Variants in MECOM observed in about 807,000 individuals in gnomAD.
MECOM encodes MDS1 and EVI1 complex locus.
MECOM carries 13 observed loss-of-function variants against 116.3 expected under a neutral mutation model. The ratio of observed to expected loss-of-function variants is 0.11; its 90% confidence interval spans 0.07 to 0.18. The LOEUF (loss-of-function observed/expected upper bound fraction) is 0.18. Among genes scored for constraint, MECOM ranks in the 10% least tolerant of loss-of-function variants. MECOM has a pLI of 1.00. For missense variants in MECOM, 1,299 were observed against 1,509.0 expected, an observed-to-expected ratio of 0.86 and a Z score of 2.31; for synonymous variants, 528 against 535.2, an observed-to-expected ratio of 0.99 and a Z score of 0.19.
intron 1 of MECOM, among the ~76,000 whole-genome samples, chr3:169,393,661 A>T (rs1183522530): frequency 2.6e-5 from 4 of 152,166 alleles, no homozygotes; most frequent in African/African-American, 9.7e-5. Flanking sequence ...TAGAATAAAC[A>T]ATATCTCAGT....
intron 2 of MECOM, among the ~76,000 whole-genome samples, chr3:169,211,146 C>T (rs1750674441): frequency 6.6e-6 from 1 of 152,064 alleles, no homozygotes; most frequent in East Asian, 1.9e-4. Flanking sequence ...GAGTGACTTG[C>T]CGGAGTATAC....
intron 2 of MECOM, among the ~76,000 whole-genome samples, chr3:169,240,266 G>A (rs1474520093): frequency 6.6e-6 from 1 of 152,268 alleles, no homozygotes; most frequent in East Asian, 1.9e-4. Flanking sequence ...AGTCAAAAGA[G>A]TATGAATCCC....
chr3:169,485,910 T>C (rs1453838705), intron 1 of MECOM, among the ~76,000 whole-genome samples: 1 of 114,380 alleles, frequency 8.7e-6, no homozygotes, highest in African/African-American at 3.8e-5. Flanking sequence ...ATAGTATATA[T>C]GTATGTATAT....
chr3:169,159,288 T>A (rs1323917748), intron 2 of MECOM, among the ~76,000 whole-genome samples: 5 of 152,152 alleles, frequency 3.3e-5, no homozygotes, highest in Non-Finnish European at 7.4e-5. Flanking sequence ...AGGCCAGGCA[T>A]GTTCATGCCT....
intron 1 of MECOM, among the ~76,000 whole-genome samples, chr3:169,412,458 T>C (rs901614755): frequency 6.6e-6 from 1 of 152,132 alleles, no homozygotes; most frequent in Non-Finnish European, 1.5e-5. Flanking sequence ...CTGGCTTCTG[T>C]GACACTCCTT....
At chr3:169,250,603 C>T (rs1237103937) in intron 2 of MECOM, among the ~76,000 whole-genome samples, 1 of 152,092 alleles carries the variant, frequency 6.6e-6, no homozygotes, top group Non-Finnish European at 1.5e-5. Flanking sequence ...GTCAACTCTC[C>T]GTTATTGTAG....
At chr3:169,635,532 T>C (rs1772628341) in intron 1 of MECOM, among the ~76,000 whole-genome samples, 1 of 152,256 alleles carries the variant, frequency 6.6e-6, no homozygotes, top group African/African-American at 2.4e-5. Flanking sequence ...TATCTCATAA[T>C]TCTCTGACTC....
At chr3:169,236,452 G>C (rs1160401297) in intron 2 of MECOM, among the ~76,000 whole-genome samples, 1 of 152,104 alleles carries the variant, frequency 6.6e-6, no homozygotes, top group African/African-American at 2.4e-5. Flanking sequence ...AAATGAATAA[G>C]GGGAGACATA....
chr3:169,294,959 A>T (rs904511799), intron 2 of MECOM, among the ~76,000 whole-genome samples: 1 of 152,038 alleles, frequency 6.6e-6, no homozygotes, highest in Non-Finnish European at 1.5e-5. Flanking sequence ...GCTCTGATAA[A>T]TGCTTTCTCG....
intron 1 of MECOM, among the ~76,000 whole-genome samples, chr3:169,597,902 A>G (rs547895261): frequency 3.3e-5 from 5 of 152,222 alleles, no homozygotes; most frequent in Non-Finnish European, 7.4e-5. Flanking sequence ...CACACTAAAC[A>G]TGGATGGTGG....
chr3:169,504,493 A>T (rs1371274007), intron 1 of MECOM, among the ~76,000 whole-genome samples: 2 of 152,268 alleles, frequency 1.3e-5, no homozygotes, highest in East Asian at 3.9e-4. Context: ...CGTAATGGTT[A>T]TTATGTGCAA....
chr3:169,244,623 A>T (rs1755347542), intron 2 of MECOM, among the ~76,000 whole-genome samples: 1 of 152,206 alleles, frequency 6.6e-6, no homozygotes. Flanking sequence ...GGAAGAGGAA[A>T]ATTACAGCAT....
intron 2 of MECOM, among the ~76,000 whole-genome samples, chr3:169,173,686 T>A (rs1287075842): frequency 6.6e-6 from 1 of 152,210 alleles, no homozygotes; most frequent in Non-Finnish European, 1.5e-5. Context: ...CCCAGCTCCT[T>A]GCATCCAGAC....
intron 1 of MECOM, among the ~76,000 whole-genome samples, chr3:169,512,157 T>C (rs777723519): frequency 5.3e-5 from 8 of 152,190 alleles, no homozygotes; most frequent in African/African-American, 9.7e-5. Context: ...AATGCACAGC[T>C]TGTGCAACTG....
chr3:169,617,693 C>CTTG (rs1770185777), intron 1 of MECOM, among the ~76,000 whole-genome samples: 1 of 152,188 alleles, frequency 6.6e-6, no homozygotes, highest in Admixed American at 6.5e-5. Context: ...TCTATAAAGA[C>CTTG]TTGTCCCCTA....
chr3:169,328,717 C>T (rs1722253738), intron 2 of MECOM, among the ~76,000 whole-genome samples: 2 of 152,040 alleles, frequency 1.3e-5, no homozygotes, highest in South Asian at 4.2e-4. Flanking sequence ...CAGTAATGTC[C>T]ACCTACTAAA....
chr3:169,360,036 C>T (rs1299358276), intron 2 of MECOM, among the ~76,000 whole-genome samples: 1 of 151,548 alleles, frequency 6.6e-6, no homozygotes, highest in Non-Finnish European at 1.5e-5. Flanking sequence ...ACTGGTCTTG[C>T]CCTTCAAGTT....
intron 2 of MECOM, among the ~76,000 whole-genome samples, chr3:169,332,178 T>G (rs533914605): frequency 6.6e-6 from 1 of 152,256 alleles, no homozygotes; most frequent in Admixed American, 6.5e-5. Context: ...GAAAGTCACA[T>G]TACTAGGACA....
chr3:169,625,565 A>G lies in MECOM; in HGVS notation c.37+37771T>C, dbSNP rs139765578. 6.8e-4 allele frequency among the ~76,000 whole-genome samples: 104 copies of G among 152,352 alleles called. 1 individual carries two copies. The highest frequency in any genetic ancestry group is 1.2e-3 in the Admixed American group (19 of 15,306). On this transcript the variant is annotated intron_variant, in intron 1 of 16. Transcript: ENST00000651503. ...TGAAAAATAGGAAGTTTCACTGTGT[A>G]AGAAATAGAAACATAAATAATAAAT...
Sources: allele counts gnomAD v4.1 joint callset (sites outside exome capture counted in the v4.1 genomes callset), GRCh38; gene constraint gnomAD v4.1.1; transcripts MANE v1.5; gene names NCBI Gene and HGNC (gene_info 2026-07-23, HGNC 2026-07-21).